The following DLGAP2 variants were observed in gnomAD, a reference collection of about 807,000 sequenced individuals.
DLGAP2 encodes the protein disks large-associated protein 2.
Under a neutral mutation model 100.3 loss-of-function variants are expected in DLGAP2, and 26 were observed. That is an observed-to-expected ratio of 0.26 (90% CI 0.19 to 0.36). DLGAP2 has a LOEUF of 0.36. DLGAP2 is among the 10% of genes least tolerant of loss of function. The pLI, the probability that DLGAP2 is intolerant of heterozygous loss-of-function variation, is 1.00. For missense variants in DLGAP2, 1,858 were observed against 1,453.2 expected, an observed-to-expected ratio of 1.28 and a Z score of -4.53; for synonymous variants, 886 against 630.1, an observed-to-expected ratio of 1.41 and a Z score of -6.08.
chr8:1,342,570 C>G (rs545139779), intron 3 of DLGAP2, among the ~76,000 whole-genome samples: 1 of 152,182 alleles, frequency 6.6e-6, no homozygotes, highest in Non-Finnish European at 1.5e-5. Context: ...GGGTAAGTTT[C>G]GATTCCTGAC....
At chr8:1,039,521 TTCAGCTCGGTGTGCGTGG>T (rs1802241572) in intron 2 of DLGAP2, among the ~76,000 whole-genome samples, 1 of 66,048 alleles carries the variant, frequency 1.5e-5, no homozygotes, top group Non-Finnish European at 2.9e-5. Flanking sequence ...GGTGTGCATG[TTCAGCTCGGTGTGCGTGG>T]TCAGCTTGGT....
chr8:944,160 C>G (rs1440997098), intron 2 of DLGAP2, among the ~76,000 whole-genome samples: 1 of 152,232 alleles, frequency 6.6e-6, no homozygotes, highest in Non-Finnish European at 1.5e-5. Context: ...GGTAACTGAT[C>G]CCTGTGGGGT....
chr8:793,351 C>T (rs1795961856), intron 1 of DLGAP2, among the ~76,000 whole-genome samples: 2 of 152,176 alleles, frequency 1.3e-5, no homozygotes, highest in Non-Finnish European at 2.9e-5. Context: ...TAATTCTAAT[C>T]CTGTTGTCTT....
At chr8:1,439,786 A>G (rs561146262) in intron 3 of DLGAP2, among the ~76,000 whole-genome samples, 2 of 152,140 alleles carry the variant, frequency 1.3e-5, no homozygotes, top group South Asian at 4.2e-4. Context: ...GCTTCCGATG[A>G]GCCACGTGTG....
chr8:1,318,773 G>T (rs1424187108), intron 3 of DLGAP2, among the ~76,000 whole-genome samples: 4 of 86,022 alleles, frequency 4.6e-5, no homozygotes, highest in Non-Finnish European at 9.0e-5. Context: ...CATTGTCAGT[G>T]ATCAGCCCCC....
intron 8 of DLGAP2, among the ~76,000 whole-genome samples, chr8:1,651,769 C>T (rs4316177): frequency 0.35 from 53,398 of 152,026 alleles, 9,364 homozygotes; most frequent in Middle Eastern, 0.39. Context: ...TCCTTCTGAT[C>T]GTATTTTCCA....
In DLGAP2 at chr8:1,121,735, A is replaced by C. The variant is rs1338273551; in HGVS notation, c.74-137116A>C. ...CCATCCTTGTCCCTTTAGAACCCAC[A>C]ACCACCCGTCTTCATCTTTCCTGAA... On this transcript the variant is annotated intron_variant, in intron 2 of 14. Coordinates refer to ENST00000637795, the MANE Select transcript of DLGAP2 (RefSeq NM_001346810.2). Among the ~76,000 whole-genome samples the C allele has an allele frequency of 8.7e-5, 7 of 80,062 alleles. No individual in the cohort carries two copies. In the East Asian group the frequency reaches 1.8e-3, roughly 20 times the overall value. 52.5% of individuals were successfully genotyped at this position (80,062 alleles called of 152,430 possible). A position where few individuals can be genotyped will look rare whatever the true frequency, so the allele number is the denominator to read the frequency against.
At chr8:952,061 C>T (rs1054366538) in intron 2 of DLGAP2, among the ~76,000 whole-genome samples, 2 of 152,220 alleles carry the variant, frequency 1.3e-5, no homozygotes, top group African/African-American at 4.8e-5. Flanking sequence ...GCACTGACCT[C>T]TCCTTTTTGG....
chr8:1,206,284 G>A (rs562636090), intron 2 of DLGAP2, among the ~76,000 whole-genome samples: 2 of 151,830 alleles, frequency 1.3e-5, no homozygotes, highest in African/African-American at 4.8e-5. Context: ...ATGGGCTGGG[G>A]TAGACTGTGA....
chr8:1,556,832 G>A (rs987307286), intron 5 of DLGAP2, among the ~76,000 whole-genome samples: 1 of 152,208 alleles, frequency 6.6e-6, no homozygotes, highest in Non-Finnish European at 1.5e-5. Flanking sequence ...CTAAATTGTT[G>A]TAGGGACACC....
intron 2 of DLGAP2, among the ~76,000 whole-genome samples, chr8:1,227,178 T>G (rs1798439068): frequency 8.0e-6 from 1 of 124,396 alleles, no homozygotes. Context: ...ATATATAGTA[T>G]AGATATATAT....
rs538028077 is a variant in DLGAP2 at position 784,787 on chromosome 8, C to G, written c.18+46962C>G. Reference sequence around the variant, plus strand: ...CCATCTGTACACCTTTTGAAAAAGACCCAGTGTCATAATTAACATGGGAAA... The same window carrying G: ...CCATCTGTACACCTTTTGAAAAAGAGCCAGTGTCATAATTAACATGGGAAA... On this transcript the variant is annotated intron_variant, in intron 1 of 14. Transcript: ENST00000637795. Among the ~76,000 whole-genome samples, 8 of 152,282 alleles carry G rather than the reference C, an allele frequency of 5.3e-5. No individual in the cohort carries two copies. In the South Asian group the frequency reaches 8.3e-4, roughly 16 times the overall value.
At chr8:1,117,729 G>A (rs894541902) in intron 2 of DLGAP2, among the ~76,000 whole-genome samples, 1 of 152,198 alleles carries the variant, frequency 6.6e-6, no homozygotes, top group Non-Finnish European at 1.5e-5. Context: ...TCCAGACCAG[G>A]ACTCTTTGTA....
chr8:1,136,237 G>T (rs760489201), intron 2 of DLGAP2, among the ~76,000 whole-genome samples: 1 of 151,992 alleles, frequency 6.6e-6, no homozygotes. Context: ...GAGTTGGGTT[G>T]ACCTCACACC....
chr8:1,427,023 G>T (rs773396171), intron 3 of DLGAP2, among the ~76,000 whole-genome samples: 17 of 152,104 alleles, frequency 1.1e-4, no homozygotes, highest in Non-Finnish European at 2.5e-4. Context: ...TAAAGAAGAG[G>T]CTTCAATAGG....
At chr8:1,571,728 T>C (rs1802698318) in intron 6 of DLGAP2, among the ~76,000 whole-genome samples, 3 of 125,542 alleles carry the variant, frequency 2.4e-5, no homozygotes, top group African/African-American at 9.6e-5. Flanking sequence ...TGGGGGCGTC[T>C]GATGAGATGG....
intron 2 of DLGAP2, among the ~76,000 whole-genome samples, chr8:1,215,437 G>T (rs56336177): frequency 0.068 from 9,346 of 136,458 alleles, 458 homozygotes; most frequent in African/African-American, 0.2. Flanking sequence ...CCAGGTACCT[G>T]GATGGGTTCA....
chr8:1,475,148 AG>A (rs930024972), intron 3 of DLGAP2, among the ~76,000 whole-genome samples: 3 of 152,148 alleles, frequency 2.0e-5, no homozygotes, highest in Admixed American at 1.3e-4. Flanking sequence ...CTCACTCATA[AG>A]TGGGAGCTAA....
intron 4 of DLGAP2, among the ~76,000 whole-genome samples, chr8:1,535,032 G>C (rs1335159809): frequency 6.6e-6 from 1 of 152,222 alleles, no homozygotes; most frequent in Non-Finnish European, 1.5e-5. Context: ...ATTTCATTAA[G>C]CTCTTTCTGG....
Sources: gnomAD v4.1 joint callset for allele counts (sites outside exome capture counted in the v4.1 genomes callset) on GRCh38, gnomAD v4.1.1 for gene constraint, MANE v1.5 for transcripts, NCBI Gene and HGNC (gene_info 2026-07-23, HGNC 2026-07-21) for gene names.